Variants in TMEM163 observed in about 807,000 individuals in gnomAD.
TMEM163 encodes the protein transmembrane protein 163.
In TMEM163, 17 loss-of-function variants were observed where a neutral mutation model predicts 29.3. The observed-to-expected ratio is 0.58, with a 90% CI of 0.40 to 0.87. TMEM163 has a LOEUF of 0.87. Ranked by LOEUF, TMEM163 falls within the 40% of genes least tolerant of loss-of-function variation. The probability of loss-of-function intolerance (pLI) is 0.00; values close to 1 mark genes in which losing one functional copy is unlikely to be tolerated. For synonymous variants in TMEM163, 157 were observed against 160.6 expected (o/e 0.98, Z 0.17); for missense variants, 303 against 381.5 (o/e 0.79, Z 1.71).
intron 5 of TMEM163, among the ~76,000 whole-genome samples, chr2:134,489,184 G>A (rs1316742659): frequency 6.6e-6 from 1 of 152,124 alleles, no homozygotes; most frequent in East Asian, 1.9e-4. Context: ...CTACCCAAAT[G>A]TCCATCAACC....
intron 2 of TMEM163, among the ~76,000 whole-genome samples, chr2:134,583,128 A>G (rs1267009548): frequency 1.3e-5 from 2 of 152,252 alleles, no homozygotes; most frequent in East Asian, 3.8e-4. Context: ...AGCTCCTCTC[A>G]GCACAGCAGT....
At chr2:134,628,415 G>T (rs540157359) in intron 2 of TMEM163, among the ~76,000 whole-genome samples, 1 of 152,332 alleles carries the variant, frequency 6.6e-6, no homozygotes, top group East Asian at 1.9e-4. Flanking sequence ...AGTCTCTCTG[G>T]TAAGAGCACT....
intron 2 of TMEM163, among the ~76,000 whole-genome samples, chr2:134,595,130 A>G (rs972236652): frequency 6.6e-6 from 1 of 151,596 alleles, no homozygotes; most frequent in Non-Finnish European, 1.5e-5. Context: ...ATTTTTTATT[A>G]CACTTTAAGT....
chr2:134,464,242 GC>G lies in TMEM163; in HGVS notation c.667+1871del, dbSNP rs1686613038. Reference sequence around the variant, plus strand: ...TGCAGGAGTGCTGGACACAGCAGGGGCCACCTTCCCTGGGGAGATGCTGTAC... The same window carrying G: ...TGCAGGAGTGCTGGACACAGCAGGGGCACCTTCCCTGGGGAGATGCTGTAC... On this transcript the variant is annotated intron_variant, in intron 6 of 7. Coordinates refer to ENST00000281924, the MANE Select transcript of TMEM163 (RefSeq NM_030923.5). Among the ~76,000 whole-genome samples, 3 of 152,260 alleles carry G rather than the reference GC, an allele frequency of 2.0e-5. No homozygotes were observed. In the East Asian group the frequency reaches 5.8e-4, roughly 29 times the overall value.
intron 2 of TMEM163, among the ~76,000 whole-genome samples, chr2:134,632,095 T>C (rs1193319537): frequency 2.6e-5 from 4 of 152,118 alleles, no homozygotes; most frequent in Non-Finnish European, 4.4e-5. Flanking sequence ...ATGGAGGAAA[T>C]AGCCCTTGAA....
chr2:134,605,934 C>T (rs1350263658), intron 2 of TMEM163, among the ~76,000 whole-genome samples: 1 of 152,116 alleles, frequency 6.6e-6, no homozygotes, highest in African/African-American at 2.4e-5. Flanking sequence ...CAAAAAAAAT[C>T]TGGGACACAT....
chr2:134,623,913 C>G (rs762339907), intron 2 of TMEM163, among the ~76,000 whole-genome samples: 1 of 152,198 alleles, frequency 6.6e-6, no homozygotes, highest in Non-Finnish European at 1.5e-5. Flanking sequence ...TATACTTTTA[C>G]AACAAAGAGA....
chr2:134,562,906 T>A (rs567185329), intron 2 of TMEM163, among the ~76,000 whole-genome samples: 7 of 152,254 alleles, frequency 4.6e-5, no homozygotes, highest in African/African-American at 1.7e-4. Context: ...ACAAAATACA[T>A]TAAAATTTAG....
intron 2 of TMEM163, among the ~76,000 whole-genome samples, chr2:134,657,484 A>G (rs990910273): frequency 6.6e-6 from 1 of 152,214 alleles, no homozygotes; most frequent in Non-Finnish European, 1.5e-5. Context: ...TGGGAGCTAA[A>G]CATTGAGTAC....
chr2:134,519,782 C>A (rs767773625), intron 4 of TMEM163, among the ~76,000 whole-genome samples: 1 of 150,528 alleles, frequency 6.6e-6, no homozygotes, highest in Non-Finnish European at 1.5e-5. Flanking sequence ...TCCGACTACT[C>A]GAGACGCTGA....
chr2:134,549,097 A>G (rs1420580220), intron 4 of TMEM163, among the ~76,000 whole-genome samples: 1 of 125,966 alleles, frequency 7.9e-6, no homozygotes, highest in African/African-American at 3.5e-5. Context: ...TTGATTCTTA[A>G]TTTGTTAAAA....
intron 2 of TMEM163, among the ~76,000 whole-genome samples, chr2:134,641,086 A>T (rs186952267): frequency 6.6e-5 from 10 of 152,328 alleles, no homozygotes; most frequent in Admixed American, 6.5e-4. Context: ...AACAAAAGGA[A>T]ATTGCCCATG....
intron 2 of TMEM163, among the ~76,000 whole-genome samples, chr2:134,580,895 A>G (rs928011101): frequency 6.6e-6 from 1 of 152,198 alleles, no homozygotes; most frequent in South Asian, 2.1e-4. Flanking sequence ...CCTGGGTGAC[A>G]GAGCGAGACT....
chr2:134,684,614 T>C (rs1486199583), intron 2 of TMEM163, among the ~76,000 whole-genome samples: 1 of 152,096 alleles, frequency 6.6e-6, no homozygotes, highest in Non-Finnish European at 1.5e-5. Flanking sequence ...CCTCAGTGTT[T>C]TGGGAACACA....
At chr2:134,661,358 C>T (rs1034064657) in intron 2 of TMEM163, among the ~76,000 whole-genome samples, 1 of 152,276 alleles carries the variant, frequency 6.6e-6, no homozygotes, top group Non-Finnish European at 1.5e-5. Flanking sequence ...TATAGCAACA[C>T]GAAACAAACT....
chr2:134,542,837 C>T (rs1403960712), intron 4 of TMEM163, among the ~76,000 whole-genome samples: 1 of 152,146 alleles, frequency 6.6e-6, no homozygotes, highest in East Asian at 1.9e-4. Context: ...CTCTTCTAGC[C>T]TCTGGTCTTT....
chr2:134,587,077 AT>A (rs1681838948), intron 2 of TMEM163, among the ~76,000 whole-genome samples: 1 of 151,458 alleles, frequency 6.6e-6, no homozygotes, highest in African/African-American at 2.4e-5. Flanking sequence ...TGAAAAAAAA[AT>A]GGCTTAAATA....
At chr2:134,675,400 T>G (rs575977435) in intron 2 of TMEM163, among the ~76,000 whole-genome samples, 81 of 152,204 alleles carry the variant, frequency 5.3e-4, no homozygotes, top group Admixed American at 1.4e-3. Context: ...TCGCCTGAGG[T>G]TTTTCAAAAC....
At chr2:134,519,144 T>C (rs796733133) in intron 4 of TMEM163, among the ~76,000 whole-genome samples, 16 of 152,296 alleles carry the variant, frequency 1.1e-4, no homozygotes, top group African/African-American at 3.8e-4. Flanking sequence ...CAATTCCGTG[T>C]TGCCATTTAA....
Sources: gnomAD v4.1 joint callset for allele counts (sites outside exome capture counted in the v4.1 genomes callset) on GRCh38, gnomAD v4.1.1 for gene constraint, MANE v1.5 for transcripts, NCBI Gene and HGNC (gene_info 2026-07-23, HGNC 2026-07-21) for gene names.